OTC: variants seen among roughly 807,000 people sequenced by gnomAD.
The protein encoded by OTC is ornithine transcarbamylase.
Under a neutral mutation model 30.3 loss-of-function variants are expected in OTC, and 3 were observed. The ratio of observed to expected loss-of-function variants is 0.10; its 90% CI spans 0.05 to 0.26. The LOEUF is 0.26. Ranked by LOEUF, OTC falls within the 10% of genes least tolerant of loss-of-function variation. The probability of loss-of-function intolerance (pLI) is 1.00; values close to 1 mark genes in which losing one functional copy is unlikely to be tolerated. For missense variants in OTC, 194 were observed against 260.3 expected (o/e 0.75, Z 1.75); for synonymous variants, 111 against 99.7 (o/e 1.11, Z -0.67).
chrX:38,349,554 C>T (rs779795370), upstream of OTC, among the ~76,000 whole-genome samples: 2 of 112,705 alleles, frequency 1.8e-5, no homozygotes, highest in South Asian at 7.4e-4. Flanking sequence ...TTGCCCTTTA[C>T]CTTCTGCCAT....
rs781179862 is a variant in OTC, at chrX:38,408,919, C to T, written c.761C>T (p.Ala254Val). Reference sequence around the variant, plus strand: ...CTGACAAATGATCCATTGGAAGCAGCGCATGGAGGCAATGTATTAATTACA... The same window carrying T: ...CTGACAAATGATCCATTGGAAGCAGTGCATGGAGGCAATGTATTAATTACA... The part of the protein sequence containing the change: ...LLLTNDPLEA[A>V]HGGNVLITDT... Residue 254 changes from alanine (A) to valine (V), a missense_variant, in exon 8 of 10, where the codon GCG (alanine) becomes GTG (valine). By Grantham distance (64) the Ala-to-Val change is moderately conservative. Transcript: ENST00000039007. The T allele has an allele frequency of 6.6e-6, 8 of 1,207,884 alleles. No homozygotes were observed. Among genetic ancestry groups the T allele is most frequent in the African/African-American group, 5.3e-5 (3 of 56,901 alleles).
In OTC at chrX:38,408,803, C is replaced by T. The variant is rs769353645; in HGVS notation, c.717+8C>T. ...GAGCAGTATGCCAAAGAGGTATGCT[C>T]TTTACATGTAAAGCTATTATTGCCT... On this transcript the variant is annotated splice_region_variant and intron_variant, in intron 7 of 9. Coordinates refer to ENST00000039007, the MANE Select transcript of OTC (RefSeq NM_000531.6). The T allele has an allele frequency of 6.6e-6, 8 of 1,204,947 alleles. No individual in the cohort carries two copies. In the African/African-American group the frequency reaches 1.2e-4, roughly 18 times the overall value.
intron 1 of OTC, among the ~76,000 whole-genome samples, chrX:38,355,606 T>C (rs1312414961): frequency 8.9e-6 from 1 of 112,545 alleles, no homozygotes; most frequent in East Asian, 2.8e-4. Flanking sequence ...TCCCTTCGTC[T>C]CTCACACATG....
chrX:38,408,660 T>C (rs1050990534), intron 6 of OTC, 82 bp from the exon 7 acceptor site: 5 of 634,078 alleles, frequency 7.9e-6, no homozygotes, highest in South Asian at 2.7e-5. Context: ...GGAGACGCGA[T>C]ATTGAAAAGA....
intron 1 of OTC, among the ~76,000 whole-genome samples, chrX:38,357,621 G>A (rs1405443203): frequency 8.9e-6 from 1 of 112,067 alleles, no homozygotes; most frequent in Non-Finnish European, 1.9e-5. Context: ...ATTATACCAG[G>A]AATACATCCA....
intron 3 of OTC, among the ~76,000 whole-genome samples, chrX:38,371,412 C>A (rs904250566): frequency 9.0e-6 from 1 of 111,652 alleles, no homozygotes; most frequent in African/African-American, 3.3e-5. Flanking sequence ...AATATGACTG[C>A]CCAAATGAGC....
At position 38,401,317 on chromosome X, in the gene OTC, T is replaced by C. The variant is rs145777402; in HGVS notation, c.429T>C (p.Tyr143=). The C allele has an allele frequency of 5.8e-4, 693 of 1,201,001 alleles. 1 individual carries two copies. The African/African-American group carries it at 0.01, about 18-fold the overall frequency. ...SMADAVLARV[Y]KQSDLDTLAK... ...CAGATGCAGTATTGGCTCGAGTGTA[T>C]AAACAATCAGATTTGGACACCCTGG... Residue 143 remains tyrosine, a synonymous_variant, in exon 5 of 10, where the codon TAT becomes TAC. Coordinates refer to ENST00000039007, the MANE Select transcript of OTC (RefSeq NM_000531.6).
At chrX:38,417,074 T>C (rs1569282223) in intron 9 of OTC, among the ~76,000 whole-genome samples, 1 of 112,050 alleles carries the variant, frequency 8.9e-6, no homozygotes, top group Non-Finnish European at 1.9e-5. Flanking sequence ...ACATTTTATT[T>C]TCTAATGGCA....
Position 38,378,287 on chromosome X carries a change from C to T in OTC, c.299-3055C>T, listed in dbSNP as rs1602019398. Among the ~76,000 whole-genome samples, 4 of 103,176 alleles carry T rather than the reference C, an allele frequency of 3.9e-5. No individual in the cohort carries two copies. The Admixed American group carries it at 4.4e-4, about 11-fold the overall frequency. The allele number at this position is 103,176 out of a possible 115,157, so 89.6% of individuals were successfully genotyped here. On this transcript the variant is annotated intron_variant, in intron 3 of 9. Coordinates refer to ENST00000039007, the MANE Select transcript of OTC (RefSeq NM_000531.6). Reference sequence around the variant, plus strand: ...CCACAATCATTGTGGCTTCCTTGACCATACTACTTAAAATTGCAACTTGGG... The same window carrying T: ...CCACAATCATTGTGGCTTCCTTGACTATACTACTTAAAATTGCAACTTGGG...
chrX:38,415,514 TATG>T (rs889222834), intron 9 of OTC, among the ~76,000 whole-genome samples: 3 of 111,601 alleles, frequency 2.7e-5, no homozygotes, highest in African/African-American at 9.8e-5. Flanking sequence ...AGTAGGCACA[TATG>T]GCTTTTTAAA....
upstream of OTC, among the ~76,000 whole-genome samples, chrX:38,350,452 T>C (rs2068208538): frequency 9.0e-6 from 1 of 111,594 alleles, no homozygotes; most frequent in Non-Finnish European, 1.9e-5. Flanking sequence ...AGAGGAATCA[T>C]GGGGTCAACA....
chrX:38,378,788 T>C (rs1263329532), intron 3 of OTC, among the ~76,000 whole-genome samples: 1 of 112,259 alleles, frequency 8.9e-6, no homozygotes, highest in Non-Finnish European at 1.9e-5. Flanking sequence ...ACCAGGAAGA[T>C]ATGAAAAAGT....
At chrX:38,343,437 G>A in the OTC span, among the ~76,000 whole-genome samples, 1 of 112,337 alleles carries the variant, frequency 8.9e-6, no homozygotes, top group Non-Finnish European at 1.9e-5. Context: ...CTAGGATTCT[G>A]TGTGGGAACT....
intron 4 of OTC, among the ~76,000 whole-genome samples, chrX:38,383,283 G>A (rs2068385009): frequency 8.9e-6 from 1 of 111,809 alleles, no homozygotes. Flanking sequence ...TGGACCTCTT[G>A]TGCTATTATC....
At chrX:38,328,270 G>A in the OTC span, among the ~76,000 whole-genome samples, 2 of 112,374 alleles carry the variant, frequency 1.8e-5, no homozygotes, top group Non-Finnish European at 3.8e-5. Flanking sequence ...CCTAGAATCA[G>A]ACACAATTGG....
At position 38,403,698 on chromosome X, in the gene OTC, C is replaced by T. The variant is rs72558415; in HGVS notation, c.621C>T (p.Ser207=). The T allele has an allele frequency of 3.8e-5, 46 of 1,206,826 alleles. No homozygotes were observed. In the East Asian group the frequency reaches 8.9e-4, roughly 23 times the overall value. ...GNNILHSIMM[S]AAKFGMHLQA... ...ATATCCTGCACTCCATCATGATGAG[C>T]GCAGCGAAATTCGGAATGCACCTTC... Residue 207 remains serine (S), a synonymous_variant, in exon 6 of 10, where the codon AGC becomes AGT. Coordinates refer to ENST00000039007, the MANE Select transcript of OTC (RefSeq NM_000531.6).
intron 9 of OTC, among the ~76,000 whole-genome samples, chrX:38,414,147 G>A (rs895017267): frequency 1.8e-5 from 2 of 111,925 alleles, no homozygotes; most frequent in African/African-American, 6.5e-5. Context: ...GACAATTGAA[G>A]TTACAAAGAT....
chrX:38,399,517 G>A (rs927819870), intron 4 of OTC, among the ~76,000 whole-genome samples: 1 of 111,114 alleles, frequency 9.0e-6, no homozygotes, highest in Non-Finnish European at 1.9e-5. Context: ...GGGGGGCCGA[G>A]GTGGGCGGAT....
chrX:38,349,794 G>A (rs1021828755), upstream of OTC, among the ~76,000 whole-genome samples: 25 of 112,480 alleles, frequency 2.2e-4, no homozygotes, highest in African/African-American at 8.1e-4. Context: ...TGGCAGGTAT[G>A]TAGGGGAAGA....
Sources: allele counts gnomAD v4.1 joint callset (sites outside exome capture counted in the v4.1 genomes callset), GRCh38; gene constraint gnomAD v4.1.1; transcripts MANE v1.5; gene names NCBI Gene and HGNC (gene_info 2026-07-23, HGNC 2026-07-21).